The following GRHL1 variants were observed in gnomAD, a reference collection of about 807,000 sequenced individuals.
The protein encoded by GRHL1 is grainyhead like transcription factor 1, also known as grainyhead-like protein 1 homolog.
GRHL1 carries 38 observed loss-of-function variants against 75.7 expected under a neutral mutation model. The ratio of observed to expected loss-of-function variants is 0.50; its 90% confidence interval spans 0.39 to 0.66. GRHL1 has a LOEUF of 0.66. Among genes scored for constraint, GRHL1 ranks in the 30% least tolerant of loss-of-function variants. The pLI is 0.00. For synonymous variants in GRHL1, 266 were observed against 279.4 expected (o/e 0.95, Z 0.48); for missense variants, 589 against 767.5 (o/e 0.77, Z 2.75).
intron 7 of GRHL1, 72 bp downstream of exon 7, chr2:9,964,418 G>A: frequency 1.2e-6 from 1 of 817,758 alleles, no homozygotes; most frequent in Non-Finnish European, 2.0e-6. Context: ...AATTATTTTT[G>A]GCAGTGATCA....
intron 1 of GRHL1, among the ~76,000 whole-genome samples, chr2:9,953,637 AT>A (rs545895626): frequency 1.3e-5 from 2 of 151,708 alleles, no homozygotes; most frequent in East Asian, 3.8e-4. Flanking sequence ...ACATTGTTGG[AT>A]TTTTTTCCCC....
chr2:9,998,492 G>A lies in GRHL1; in HGVS notation c.1678-473G>A, dbSNP rs1311822694. Among the ~76,000 whole-genome samples, 27 of 21,358 alleles carry A rather than the reference G, an allele frequency of 1.3e-3. 1 individual carries two copies. Among genetic ancestry groups the A allele is most frequent in the Non-Finnish European group, 1.6e-3 (22 of 13,606 alleles). The allele number at this position is 21,358 out of a possible 152,430, so 14.0% of individuals were successfully genotyped here. On this transcript the variant is annotated intron_variant, in intron 14 of 15. Transcript: ENST00000324907. ...TACGTATATATATACATATATATAC[G>A]TATATATACATATATATACGTATAT... is the stretch of plus-strand genomic sequence containing the variant.
intron 13 of GRHL1, 23 bp downstream of exon 13, chr2:9,995,993 G>A: frequency 7.2e-7 from 1 of 1,393,760 alleles, no homozygotes; most frequent in Non-Finnish European, 1.0e-6. Flanking sequence ...CCATTTCTTA[G>A]TGGGAGTTTT....
intron 1 of GRHL1, among the ~76,000 whole-genome samples, chr2:9,954,468 G>A (rs1666924171): frequency 6.6e-6 from 1 of 152,148 alleles, no homozygotes; most frequent in Non-Finnish European, 1.5e-5. Flanking sequence ...AGGCATGGCA[G>A]CCACAGTAGA....
intron 14 of GRHL1, among the ~76,000 whole-genome samples, chr2:9,997,060 A>C (rs1668894956): frequency 6.6e-6 from 1 of 152,188 alleles, no homozygotes; most frequent in African/African-American, 2.4e-5. Flanking sequence ...GACCGTAGAG[A>C]TCTTTAAGCT....
intron 8 of GRHL1, among the ~76,000 whole-genome samples, chr2:9,973,539 T>C (rs1476200278): frequency 6.6e-6 from 1 of 152,242 alleles, no homozygotes; most frequent in Admixed American, 6.5e-5. Flanking sequence ...TCAGTTGAAT[T>C]CTATAACTGT....
At position 9,991,078 on chromosome 2, in the gene GRHL1, A is replaced by G. The variant is rs1668622061; in HGVS notation, c.1321+331A>G. On this transcript the variant is annotated intron_variant, in intron 10 of 15. Transcript: ENST00000324907. ...TGAATCACTGTTAAAATTGGGACTT[A>G]TCTAGATTTTTTAAAGTAATAATAA... Among the ~76,000 whole-genome samples the G allele has an allele frequency of 3.3e-5, 5 of 152,326 alleles. No individual in the cohort carries two copies. In the South Asian group the frequency reaches 8.3e-4, roughly 25 times the overall value.
At chr2:9,983,569 C>T (rs558533175) in intron 8 of GRHL1, among the ~76,000 whole-genome samples, 5 of 152,120 alleles carry the variant, frequency 3.3e-5, no homozygotes, top group East Asian at 3.9e-4. Flanking sequence ...GGTTAGGTTT[C>T]GGGTTGGATT....
In GRHL1 at chr2:9,961,142, C is replaced by T; in HGVS notation, c.375C>T (p.Pro125=). Residue 125 remains proline (P), a synonymous_variant, in exon 4 of 16, where the codon CCC becomes CCT. Transcript: ENST00000324907. ...LKNVPFNIVL[P]HGNQLGIDKR... is the part of the protein sequence containing the mutation. ...ATGTGCCATTTAACATTGTCCTTCCCCATGGCAACCAGCTGGGCATTGATA... is the reference window on the plus strand; with the variant it reads ...ATGTGCCATTTAACATTGTCCTTCCTCATGGCAACCAGCTGGGCATTGATA... 1 of 1,611,842 alleles carries T rather than the reference C, an allele frequency of 6.2e-7. No homozygotes were observed. The highest frequency in any genetic ancestry group is 8.5e-7 in the Non-Finnish European group (1 of 1,178,786).
intron 8 of GRHL1, among the ~76,000 whole-genome samples, chr2:9,973,905 A>T (rs11888501): frequency 0.17 from 25,897 of 152,154 alleles, 2,818 homozygotes; most frequent in African/African-American, 0.31. Flanking sequence ...TGGACTCATG[A>T]CTTATGTGAA....
chr2:9,965,370 G>C lies in GRHL1; in HGVS notation c.1099G>C (p.Asp367His). ...NAISFTWDINDEAKVFISVNC... is the reference protein window; with the variant it reads ...NAISFTWDINHEAKVFISVNC... The stretch of plus-strand genomic sequence containing the variant: ...CATTTCCTTCACATGGGACATCAAC[G>C]ATGAAGCAAAGGTGGGTGGTGAGGT... Residue 367 changes from aspartate (D) to histidine (H), a missense_variant, in exon 8 of 16, where the codon GAT becomes CAT. This residue lies in a region of GRHL1 where 362 missense variants were observed against 461.8 expected (regional missense o/e 0.78). Transcript: ENST00000324907. 1 of 1,600,580 alleles carries C rather than the reference G, an allele frequency of 6.2e-7. No homozygotes were observed. The highest frequency in any genetic ancestry group is 8.6e-7 in the Non-Finnish European group (1 of 1,167,722).
At chr2:9,953,060 G>A (rs1451077402) in intron 1 of GRHL1, 3 of 456,574 alleles carry the variant, frequency 6.6e-6, no homozygotes, top group Non-Finnish European at 1.3e-5. Flanking sequence ...AAAGGCAACT[G>A]GTTTTGTGTT....
chr2:9,996,922 C>A (rs1307781050), intron 14 of GRHL1, among the ~76,000 whole-genome samples: 5 of 152,200 alleles, frequency 3.3e-5, no homozygotes, highest in African/African-American at 7.2e-5. Flanking sequence ...ACCCCATGCT[C>A]CCTGTGGGGA....
At chr2:9,997,991 C>T (rs892464725) in intron 14 of GRHL1, among the ~76,000 whole-genome samples, 3 of 152,110 alleles carry the variant, frequency 2.0e-5, no homozygotes, top group Admixed American at 2.0e-4. Flanking sequence ...ATCATCCACT[C>T]GTACAGAAAA....
Position 9,987,665 on chromosome 2 carries a change from T to C in GRHL1, c.1269+1383T>C, listed in dbSNP as rs1668481237. Among the ~76,000 whole-genome samples, 1 of 152,136 alleles carries C rather than the reference T, an allele frequency of 6.6e-6. No individual in the cohort carries two copies. Among genetic ancestry groups the C allele is most frequent in the Admixed American group, 6.5e-5 (1 of 15,274 alleles). ...GTTTTCCCTGGTGTGGCTCTTTTTT[T>C]ATCTGGAGAAGAGAGGCTTACTTTT... On this transcript the variant is annotated intron_variant, in intron 9 of 15. Transcript: ENST00000324907. This position sits in a 1 kb window ranked among gnomAD's most constrained non-coding sequence, Gnocchi z 4.2.
chr2:9,957,786 T>A (rs1667098167), intron 2 of GRHL1, among the ~76,000 whole-genome samples: 1 of 152,234 alleles, frequency 6.6e-6, no homozygotes, highest in South Asian at 2.1e-4. Context: ...TTTAAGCACC[T>A]TAGCCATTTT....
Position 9,995,933 on chromosome 2 carries a change from T to C in GRHL1, c.1554T>C (p.Pro518=), listed in dbSNP as rs747265681. 1.2e-6 allele frequency: 2 copies of C among 1,613,088 alleles called. No homozygotes were observed. The highest frequency in any genetic ancestry group is 2.2e-5 in the East Asian group (1 of 44,888). Residue 518 remains proline (P), a synonymous_variant, in exon 13 of 16, where the codon CCT becomes CCC. Coordinates refer to ENST00000324907, the MANE Select transcript of GRHL1 (RefSeq NM_198182.3). The part of the protein sequence containing the change: ...YGTEDDFAVP[P]STKLARIEEP... ...CAGAAGATGACTTTGCTGTCCCTCC[T>C]TCTACCAAGCTGGCCCGGATAGAAG...
intron 14 of GRHL1, among the ~76,000 whole-genome samples, chr2:9,997,189 CG>C (rs1668901512): frequency 6.6e-6 from 1 of 152,118 alleles, no homozygotes; most frequent in African/African-American, 2.4e-5. Flanking sequence ...GGCACTGTGG[CG>C]GGCACTGGAG....
At chr2:9,989,559 T>C (rs1668555968) in intron 9 of GRHL1, among the ~76,000 whole-genome samples, 1 of 152,098 alleles carries the variant, frequency 6.6e-6, no homozygotes. Context: ...ACTTTTTCTC[T>C]TTTTTCTTTG....
Sources: gnomAD v4.1 joint callset for allele counts (sites outside exome capture counted in the v4.1 genomes callset) on GRCh38, gnomAD v4.1.1 for gene constraint, gnomAD v4.1.1 regional missense constraint, Gnocchi (gnomAD v3.1) non-coding constraint, MANE v1.5 for transcripts, NCBI Gene and HGNC (gene_info 2026-07-23, HGNC 2026-07-21) for gene names.